PRMT8: variants seen among roughly 807,000 people sequenced by gnomAD.
The protein encoded by PRMT8 is protein arginine N-methyltransferase 8.
A neutral mutation model predicts 47.1 loss-of-function variants in PRMT8; 7 were observed. That is an observed-to-expected ratio of 0.15 (90% CI 0.08 to 0.28). The LOEUF (loss-of-function observed/expected upper bound fraction) is 0.28. Ranked by LOEUF, PRMT8 falls within the 10% of genes least tolerant of loss-of-function variation. PRMT8 has a pLI of 1.00. For synonymous variants in PRMT8, 188 were observed against 186.5 expected (o/e 1.01, Z -0.07); for missense variants, 237 against 505.4 (o/e 0.47, Z 5.09).
chr12:3,574,759 AC>A (rs1866908705), intron 6 of PRMT8, among the ~76,000 whole-genome samples: 1 of 152,262 alleles, frequency 6.6e-6, no homozygotes, highest in Non-Finnish European at 1.5e-5. Flanking sequence ...CACAGCAAAT[AC>A]GTGGCAGAGC....
At chr12:3,443,756 T>A (rs962597501) in intron 1 of PRMT8, among the ~76,000 whole-genome samples, 1 of 152,224 alleles carries the variant, frequency 6.6e-6, no homozygotes, top group African/African-American at 2.4e-5. Flanking sequence ...CCCCTCTCCC[T>A]AGAGGCTGCA....
At chr12:3,522,690 A>C (rs568823980) in intron 1 of PRMT8, among the ~76,000 whole-genome samples, 1 of 151,220 alleles carries the variant, frequency 6.6e-6, no homozygotes, top group South Asian at 2.1e-4. Context: ...CAAACTGGGA[A>C]GGTCCCCATC....
chr12:3,568,109 G>C (rs1866761256), intron 4 of PRMT8, among the ~76,000 whole-genome samples: 1 of 151,900 alleles, frequency 6.6e-6, no homozygotes, highest in Admixed American at 6.6e-5. Context: ...TCTGGTATAT[G>C]TATTATATAC....
intron 1 of PRMT8, among the ~76,000 whole-genome samples, chr12:3,420,624 G>T (rs1158809504): frequency 6.6e-6 from 1 of 152,218 alleles, no homozygotes; most frequent in African/African-American, 2.4e-5. Flanking sequence ...GAGGCAGTGG[G>T]TTGGGAGGGT....
At chr12:3,516,656 T>G (rs1865796241) in intron 1 of PRMT8, among the ~76,000 whole-genome samples, 1 of 151,846 alleles carries the variant, frequency 6.6e-6, no homozygotes, top group South Asian at 2.1e-4. Flanking sequence ...TTGAGTGAGG[T>G]TAAAGGAAAT....
intron 1 of PRMT8, among the ~76,000 whole-genome samples, chr12:3,499,273 G>C (rs1305311203): frequency 3.8e-5 from 4 of 105,136 alleles, no homozygotes; most frequent in African/African-American, 1.6e-4. Flanking sequence ...GTATACATGT[G>C]CCATGCTGGT....
intron 1 of PRMT8, among the ~76,000 whole-genome samples, chr12:3,441,496 G>A (rs1285713709): frequency 6.6e-6 from 1 of 152,166 alleles, no homozygotes; most frequent in Non-Finnish European, 1.5e-5. Context: ...TGCCCGCGTG[G>A]CCATCACAAG....
intron 1 of PRMT8, among the ~76,000 whole-genome samples, chr12:3,517,786 G>T (rs1348589193): frequency 2.6e-5 from 4 of 152,122 alleles, no homozygotes; most frequent in Non-Finnish European, 5.9e-5. Context: ...TGGGGAGAAT[G>T]TTGCAGGTTT....
rs559518411 is a variant in PRMT8, at chr12:3,480,677, A to G, written c.49-59929A>G. ...CCCCCCACCGCTTTCTTATAGCTTC[A>G]TGCTTTCTCTGATGCCTATAGTCCA... On this transcript the variant is annotated intron_variant, in intron 1 of 9. Transcript: ENST00000452611. Among the ~76,000 whole-genome samples the G allele has an allele frequency of 9.9e-5, 15 of 152,118 alleles. No individual in the cohort carries two copies. In the South Asian group the frequency reaches 3.1e-3, roughly 32 times the overall value.
intron 1 of PRMT8, among the ~76,000 whole-genome samples, chr12:3,474,272 T>A (rs887269375): frequency 6.6e-6 from 1 of 152,214 alleles, no homozygotes; most frequent in Non-Finnish European, 1.5e-5. Flanking sequence ...TTTTGCTGTG[T>A]GACTTTGAGT....
intron 1 of PRMT8, among the ~76,000 whole-genome samples, chr12:3,421,101 C>T (rs1864535909): frequency 6.6e-6 from 1 of 152,186 alleles, no homozygotes; most frequent in Non-Finnish European, 1.5e-5. Context: ...CCCTCCCACT[C>T]CTCCTCCTCC....
At chr12:3,568,680 A>ATGGC in intron 4 of PRMT8, 26 bp from the exon 5 acceptor site, 1 of 1,613,960 alleles carries the variant, frequency 6.2e-7, no homozygotes, top group Non-Finnish European at 8.5e-7. Context: ...CCTGCAAAGT[A>ATGGC]TGGCCCTGGG....
intron 1 of PRMT8, among the ~76,000 whole-genome samples, chr12:3,382,061 G>A (rs568878178): frequency 3.3e-5 from 5 of 152,290 alleles, no homozygotes; most frequent in Admixed American, 3.3e-4. Flanking sequence ...GTTATCAATA[G>A]TTCCTTTTGT....
chr12:3,487,180 G>C (rs1865330724), upstream of PRMT8, among the ~76,000 whole-genome samples: 1 of 152,186 alleles, frequency 6.6e-6, no homozygotes, highest in South Asian at 2.1e-4. Context: ...GCTCTGGCCT[G>C]ATTCTCGAGG....
intron 1 of PRMT8, among the ~76,000 whole-genome samples, chr12:3,388,704 C>T (rs151051657): frequency 6.6e-6 from 1 of 151,308 alleles, no homozygotes; most frequent in Non-Finnish European, 1.5e-5. Flanking sequence ...GAGATTTCAG[C>T]CCACATCAGG....
chr12:3,572,666 G>C lies in PRMT8; in HGVS notation c.712+3102G>C, dbSNP rs1013323386. ...TGCAAGGATTCCACTTTCTTCATGAGAGCCTAAAATGTGTCAATCTAGTGT... is the reference window on the plus strand; with the variant it reads ...TGCAAGGATTCCACTTTCTTCATGACAGCCTAAAATGTGTCAATCTAGTGT... On this transcript the variant is annotated intron_variant, in intron 6 of 9. Coordinates refer to ENST00000382622, the MANE Select transcript of PRMT8 (RefSeq NM_019854.5). This position sits in a 1 kb window ranked among gnomAD's most constrained non-coding sequence, Gnocchi z 5.9. 6.6e-6 allele frequency among the ~76,000 whole-genome samples: 1 copy of C among 152,200 alleles called. No homozygotes were observed. Among genetic ancestry groups the C allele is most frequent in the Non-Finnish European group, 1.5e-5 (1 of 68,032 alleles).
At position 3,580,185 on chromosome 12, in the gene PRMT8, G is replaced by A. The variant is rs961809387; in HGVS notation, c.829-2873G>A. ...AATACTTTTGGTCCTAAAGGCTTTT[G>A]TTCTATCAGAGGCCTCTATTAAGAT... On this transcript the variant is annotated intron_variant, in intron 7 of 9. Coordinates refer to ENST00000382622, the MANE Select transcript of PRMT8 (RefSeq NM_019854.5). This position sits in a 1 kb window ranked among gnomAD's most constrained non-coding sequence, Gnocchi z 4.6. Among the ~76,000 whole-genome samples, 2 of 152,102 alleles carry A rather than the reference G, an allele frequency of 1.3e-5. No homozygotes were observed. The highest frequency in any genetic ancestry group is 4.1e-4 in the South Asian group (2 of 4,824).
At chr12:3,467,621 T>C (rs1865114916) in intron 1 of PRMT8, among the ~76,000 whole-genome samples, 1 of 152,198 alleles carries the variant, frequency 6.6e-6, no homozygotes, top group Non-Finnish European at 1.5e-5. Flanking sequence ...CAAGACCAGC[T>C]TAAGGACAGA....
chr12:3,481,904 G>T (rs539039288), intron 1 of PRMT8, among the ~76,000 whole-genome samples: 3 of 152,272 alleles, frequency 2.0e-5, no homozygotes, highest in Non-Finnish European at 4.4e-5. Context: ...TCTTCCCTTC[G>T]AATGCAACCA....
Sources: allele counts gnomAD v4.1 joint callset (sites outside exome capture counted in the v4.1 genomes callset), GRCh38; gene constraint gnomAD v4.1.1; non-coding constraint Gnocchi (gnomAD v3.1); transcripts MANE v1.5; gene names NCBI Gene and HGNC (gene_info 2026-07-23, HGNC 2026-07-21).